ATP6V1C1: variants seen among roughly 807,000 people sequenced by gnomAD.
ATP6V1C1 encodes the protein V-type proton ATPase subunit C 1.
A neutral mutation model predicts 53.9 loss-of-function variants in ATP6V1C1; 45 were observed. The observed-to-expected ratio is 0.83, with a 90% CI of 0.66 to 1.07. ATP6V1C1 has a LOEUF of 1.07. ATP6V1C1 is among the 50% of genes least tolerant of loss of function. The pLI, the probability that ATP6V1C1 is intolerant of heterozygous loss-of-function variation, is 0.00. For missense variants in ATP6V1C1, 315 were observed against 440.3 expected (o/e 0.72, Z 2.55); for synonymous variants, 153 against 155.2 (o/e 0.99, Z 0.11).
rs145360366 is a variant in ATP6V1C1 at position 103,033,096 on chromosome 8, C to T, written c.-39-7702C>T. ...GGTACAAAAGAGTATCTAATGCATG[C>T]TTCCATTTACAAGGAAATTCTAGAT... On this transcript the variant is annotated intron_variant, in intron 1 of 12. Transcript: ENST00000518738. 7.3e-3 allele frequency among the ~76,000 whole-genome samples: 1,116 copies of T among 152,288 alleles called. 7 individuals are homozygous for T. Among genetic ancestry groups the T allele is most frequent in the Non-Finnish European group, 0.012 (806 of 68,022 alleles).
At chr8:103,042,034 A>G (rs3779909) in intron 2 of ATP6V1C1, among the ~76,000 whole-genome samples, 39,887 of 152,074 alleles carry the variant, frequency 0.26, 6,049 homozygotes, top group Admixed American at 0.39. Flanking sequence ...TGGACCTCCT[A>G]CTTAAGAGCC....
chr8:103,043,493 T>A (rs1817038782), intron 3 of ATP6V1C1, among the ~76,000 whole-genome samples: 1 of 151,710 alleles, frequency 6.6e-6, no homozygotes, highest in African/African-American at 2.4e-5. Flanking sequence ...CAGCTAATTT[T>A]TTTTTTTTTT....
intron 1 of ATP6V1C1, among the ~76,000 whole-genome samples, chr8:103,036,425 A>G (rs956767962): frequency 2.6e-5 from 4 of 152,174 alleles, no homozygotes; most frequent in African/African-American, 9.7e-5. Flanking sequence ...AGTGGCTCAC[A>G]CTTGTAATCT....
intron 4 of ATP6V1C1, among the ~76,000 whole-genome samples, 162 bp downstream of exon 4, chr8:103,049,117 G>T (rs192003781): frequency 6.6e-6 from 1 of 152,168 alleles, no homozygotes; most frequent in Non-Finnish European, 1.5e-5. Context: ...GATACTTCCA[G>T]GTACATCCTG....
At chr8:103,061,192 A>T (rs1256012174) in intron 8 of ATP6V1C1, among the ~76,000 whole-genome samples, 1 of 152,180 alleles carries the variant, frequency 6.6e-6, no homozygotes, top group Non-Finnish European at 1.5e-5. Flanking sequence ...TTTTGAGAAG[A>T]TACAGTTTAA....
rs191998522 is a variant in ATP6V1C1, at chr8:103,067,125, G to A, written c.1053+678G>A. ...TTAAAATTGTAGTGGGCCGCTGGGCGTGGTGGCTCACGCCTGTAATCCCAG... is the reference window on the plus strand; with the variant it reads ...TTAAAATTGTAGTGGGCCGCTGGGCATGGTGGCTCACGCCTGTAATCCCAG... On this transcript the variant is annotated intron_variant, in intron 12 of 12. Transcript: ENST00000518738. Among the ~76,000 whole-genome samples the A allele has an allele frequency of 3.4e-4, 51 of 151,760 alleles. No homozygotes were observed. In the South Asian group the frequency reaches 9.4e-3, roughly 28 times the overall value.
At position 103,070,338 on chromosome 8, in the gene ATP6V1C1, G is replaced by T. The variant is rs1214305969; in HGVS notation, c.*1591G>T. On this transcript the variant is annotated 3_prime_UTR_variant, in exon 13 of 13. Transcript: ENST00000518738. ...GTATTTCTGTAAGATCTGAGAAGTG[G>T]AATTTGTAGGGTCATAGGTTATGTA... The T allele has an allele frequency of 1.3e-5, 2 of 152,218 alleles. No individual in the cohort carries two copies. Among genetic ancestry groups the T allele is most frequent in the African/African-American group, 4.8e-5 (2 of 41,444 alleles). 9.4% of individuals were successfully genotyped at this position (152,218 alleles called of 1,614,324 possible). A position where few individuals can be genotyped will look rare whatever the true frequency, so the allele number is the denominator to read the frequency against.
chr8:103,064,950 A>T (rs1392299485), intron 11 of ATP6V1C1, 139 bp downstream of exon 11: 2 of 678,022 alleles, frequency 2.9e-6, no homozygotes, highest in Non-Finnish European at 4.8e-6. Flanking sequence ...AGAGATTATC[A>T]GTATCATCAT....
chr8:103,066,351 G>C lies in ATP6V1C1; in HGVS notation c.957G>C (p.Met319Ile). 1 of 1,613,192 alleles carries C rather than the reference G, an allele frequency of 6.2e-7. No homozygotes were observed. Among genetic ancestry groups the C allele is most frequent in the Non-Finnish European group, 8.5e-7 (1 of 1,179,786 alleles). Reference sequence around the variant, plus strand: ...GCTTGCCAGTGAACTTCCAAGCAATGCTACTTCAGCCCAATAAGAAAACTT... The same window carrying C: ...GCTTGCCAGTGAACTTCCAAGCAATCCTACTTCAGCCCAATAAGAAAACTT... ...RYGLPVNFQA[M>I]LLQPNKKTLK... The change falls in exon 12 of 13, where the codon ATG becomes ATC. Residue 319 changes from methionine (M) to isoleucine (I), a missense_variant. Physicochemically the swap from Met to Ile is conservative, Grantham distance 10 (BLOSUM62 1). Transcript: ENST00000518738.
intron 1 of ATP6V1C1, among the ~76,000 whole-genome samples, chr8:103,027,775 C>G (rs1181770848): frequency 1.3e-5 from 2 of 151,652 alleles, no homozygotes; most frequent in African/African-American, 2.4e-5. Flanking sequence ...CTAGTGTTTC[C>G]CTTGTGCCTC....
chr8:103,028,650 C>T (rs1816739377), intron 1 of ATP6V1C1, among the ~76,000 whole-genome samples: 1 of 152,166 alleles, frequency 6.6e-6, no homozygotes, highest in Admixed American at 6.5e-5. Context: ...ATCCAATCCT[C>T]TCATTTTACA....
intron 1 of ATP6V1C1, among the ~76,000 whole-genome samples, chr8:103,028,216 GAA>G (rs1183702692): frequency 5.9e-5 from 9 of 152,280 alleles, no homozygotes; most frequent in Admixed American, 4.6e-4. Flanking sequence ...CTGGAAGAGA[GAA>G]ATTTGTTTTG....
intron 5 of ATP6V1C1, among the ~76,000 whole-genome samples, chr8:103,051,520 A>G (rs1258720526): frequency 6.6e-6 from 1 of 152,136 alleles, no homozygotes; most frequent in African/African-American, 2.4e-5. Context: ...TTATGTGCAT[A>G]CAATACTTGT....
rs1355529797 is a variant in ATP6V1C1, at chr8:103,071,154, ATAT to A, written c.*2409_*2411del. Reference sequence around the variant, plus strand: ...AGCTCCAGTCTGTGCTGGATTATTGATATTGTTGGTGGCGGTCACCATTCCTGG... The same window carrying A: ...AGCTCCAGTCTGTGCTGGATTATTGATGTTGGTGGCGGTCACCATTCCTGG... On this transcript the variant is annotated 3_prime_UTR_variant, in exon 13 of 13. Transcript: ENST00000518738. The A allele has an allele frequency of 6.6e-6, 1 of 152,202 alleles. No individual in the cohort carries two copies. The highest frequency in any genetic ancestry group is 2.4e-5 in the African/African-American group (1 of 41,430). The allele number at this position is 152,202 out of a possible 1,614,324, so 9.4% of individuals were successfully genotyped here. A position where few individuals can be genotyped will look rare whatever the true frequency, so the allele number is the denominator to read the frequency against.
In ATP6V1C1 at chr8:103,069,708, T is replaced by TA. The variant is rs1419842701; in HGVS notation, c.*963dup. ...TTTAAAATCTCAGAAATGAATGACT[T>TA]AATTTAGTGTCCTGAAAGAGCTTTT... On this transcript the variant is annotated 3_prime_UTR_variant, in exon 13 of 13. Coordinates refer to ENST00000518738, the MANE Select transcript of ATP6V1C1 (RefSeq NM_001695.5). 1 of 152,190 alleles carries TA rather than the reference T, an allele frequency of 6.6e-6. No homozygotes were observed. Among genetic ancestry groups the TA allele is most frequent in the East Asian group, 1.9e-4 (1 of 5,188 alleles). 9.4% of individuals were successfully genotyped at this position (152,190 alleles called of 1,614,324 possible). A position where few individuals can be genotyped will look rare whatever the true frequency, so the allele number is the denominator to read the frequency against.
intron 4 of ATP6V1C1, among the ~76,000 whole-genome samples, chr8:103,049,723 G>A (rs1817167413): frequency 6.6e-6 from 1 of 152,260 alleles, no homozygotes; most frequent in Non-Finnish European, 1.5e-5. Context: ...GATCTCTTGA[G>A]TGCAGGAGTT....
chr8:103,054,423 A>G (rs1817252755), intron 7 of ATP6V1C1, among the ~76,000 whole-genome samples: 1 of 152,126 alleles, frequency 6.6e-6, no homozygotes, highest in African/African-American at 2.4e-5. Flanking sequence ...GCTAGATAGT[A>G]AGTATTGTAG....
At chr8:103,025,474 T>A (rs1411089074) in intron 1 of ATP6V1C1, among the ~76,000 whole-genome samples, 1 of 152,254 alleles carries the variant, frequency 6.6e-6, no homozygotes, top group African/African-American at 2.4e-5. Context: ...AAAAGTAATA[T>A]TTTAATAAAC....
At chr8:103,067,658 T>G (rs1388614400) in intron 12 of ATP6V1C1, among the ~76,000 whole-genome samples, 1 of 148,200 alleles carries the variant, frequency 6.7e-6, no homozygotes, top group Non-Finnish European at 1.5e-5. Context: ...TGGAGTGAAG[T>G]GGCGTGATCT....
Sources: gnomAD v4.1 joint callset for allele counts (sites outside exome capture counted in the v4.1 genomes callset) on GRCh38, gnomAD v4.1.1 for gene constraint, MANE v1.5 for transcripts, NCBI Gene and HGNC (gene_info 2026-07-23, HGNC 2026-07-21) for gene names.